The following DSCAM variants were observed in gnomAD, a reference collection of about 807,000 sequenced individuals.
DSCAM encodes cell adhesion molecule DSCAM.
Under a neutral mutation model 217.7 loss-of-function variants are expected in DSCAM, and 47 were observed. That is an observed-to-expected ratio of 0.22 (90% CI 0.17 to 0.28). The LOEUF (loss-of-function observed/expected upper bound fraction) is 0.28. Among genes scored for constraint, DSCAM ranks in the 10% least tolerant of loss-of-function variants. The probability of loss-of-function intolerance (pLI) is 1.00; values close to 1 mark genes in which losing one functional copy is unlikely to be tolerated. For missense variants in DSCAM, 2,080 were observed against 2,618.3 expected, an observed-to-expected ratio of 0.79 and a Z score of 4.49; for synonymous variants, 1,056 against 1,015.3, an observed-to-expected ratio of 1.04 and a Z score of -0.76.
intron 8 of DSCAM, among the ~76,000 whole-genome samples, chr21:40,333,455 C>T (rs1429204662): frequency 6.6e-6 from 1 of 152,130 alleles, no homozygotes; most frequent in Non-Finnish European, 1.5e-5. Context: ...AACTCCGCCT[C>T]CTGGGTTCAA....
chr21:40,289,464 G>A (rs977289935), intron 10 of DSCAM, among the ~76,000 whole-genome samples: 2 of 152,214 alleles, frequency 1.3e-5, no homozygotes, highest in African/African-American at 2.4e-5. Flanking sequence ...TTCTTCAAAT[G>A]TAAGTACAGT....
At chr21:40,205,808 T>C (rs921567295) in intron 11 of DSCAM, among the ~76,000 whole-genome samples, 2 of 152,164 alleles carry the variant, frequency 1.3e-5, no homozygotes, top group Admixed American at 6.5e-5. Flanking sequence ...ATAAGATATT[T>C]AAGCATGTTT....
At chr21:40,233,719 G>A (rs1200852806) in intron 11 of DSCAM, among the ~76,000 whole-genome samples, 3 of 152,096 alleles carry the variant, frequency 2.0e-5, no homozygotes, top group Non-Finnish European at 1.5e-5. Context: ...ACACACATAC[G>A]CAATTTTTTG....
intron 3 of DSCAM, among the ~76,000 whole-genome samples, chr21:40,620,063 GAA>G (rs2089465037): frequency 1.4e-5 from 1 of 73,326 alleles, no homozygotes; most frequent in Admixed American, 1.4e-4. Flanking sequence ...GAAAAAGAAA[GAA>G]AGAGAGAAAG....
chr21:40,187,975 C>G lies in DSCAM; in HGVS notation c.2566G>C (p.Val856Leu), dbSNP rs759344443. Residue 856 changes from valine (V) to leucine (L), a missense_variant, in exon 13 of 33, where the codon GTG (valine) becomes CTG (leucine). Physicochemically the swap from Val to Leu is conservative, Grantham distance 32. Coordinates refer to ENST00000400454, the MANE Select transcript of DSCAM (RefSeq NM_001389.5). ...VISTLQILPT[V>L]REDSGFFSCH... is the part of the protein sequence containing the mutation. The stretch of plus-strand genomic sequence containing the variant: ...GAAAAGAAACCAGAATCTTCTCTCA[C>G]AGTTGGCAAAATCTATGTGTAAAGC... The G allele has an allele frequency of 7.0e-5, 113 of 1,613,624 alleles. No homozygotes were observed. The highest frequency in any genetic ancestry group is 8.7e-5 in the Non-Finnish European group (103 of 1,179,874).
rs34935219 is a variant in DSCAM at position 40,766,669 on chromosome 21, C to CAAAAA, written c.44-57903_44-57899dup. ...TTTTAAAAAGACAAAACAACAATTC[C>CAAAAA]AAAAAAAAAAAAAAAAAAACAACTT... On this transcript the variant is annotated intron_variant, in intron 1 of 32. Transcript: ENST00000400454. Among the ~76,000 whole-genome samples, 101 of 66,610 alleles carry CAAAAA rather than the reference C, an allele frequency of 1.5e-3. 3 individuals carry two copies. Among genetic ancestry groups the CAAAAA allele is most frequent in the African/African-American group, 6.0e-3 (97 of 16,298 alleles). 43.7% of individuals were successfully genotyped at this position (66,610 alleles called of 152,430 possible). A position where few individuals can be genotyped will look rare whatever the true frequency, so the allele number is the denominator to read the frequency against.
At chr21:40,138,246 G>T (rs183817381) in intron 18 of DSCAM, among the ~76,000 whole-genome samples, 5 of 151,376 alleles carry the variant, frequency 3.3e-5, no homozygotes, top group African/African-American at 7.3e-5. Flanking sequence ...ATGTGTGGGG[G>T]GTGTGTGTGG....
chr21:40,766,912 C>G (rs1461057958), intron 1 of DSCAM, among the ~76,000 whole-genome samples: 2 of 152,198 alleles, frequency 1.3e-5, no homozygotes, highest in African/African-American at 4.8e-5. Flanking sequence ...TCTCGAACTC[C>G]TGACCTCAGG....
At chr21:40,641,381 CTTGA>C (rs1007569101) in intron 3 of DSCAM, among the ~76,000 whole-genome samples, 1 of 152,126 alleles carries the variant, frequency 6.6e-6, no homozygotes, top group Admixed American at 6.5e-5. Context: ...GAAAAGGTAT[CTTGA>C]TTAAGTATTC....
chr21:40,638,454 T>C (rs2146336511), intron 3 of DSCAM, among the ~76,000 whole-genome samples: 1 of 152,120 alleles, frequency 6.6e-6, no homozygotes, highest in East Asian at 1.9e-4. Flanking sequence ...AAAAGCAAAT[T>C]AGAATTCAAG....
At chr21:40,266,128 A>G (rs1373253546) in intron 11 of DSCAM, among the ~76,000 whole-genome samples, 1 of 152,192 alleles carries the variant, frequency 6.6e-6, no homozygotes, top group Non-Finnish European at 1.5e-5. Flanking sequence ...AATATCCGCA[A>G]TCTACAAACT....
chr21:40,831,790 T>C (rs569295340), intron 1 of DSCAM, among the ~76,000 whole-genome samples: 1 of 152,370 alleles, frequency 6.6e-6, no homozygotes, highest in Admixed American at 6.5e-5. Context: ...TTAATTAACC[T>C]GTCTCTTACT....
intron 16 of DSCAM, among the ~76,000 whole-genome samples, chr21:40,152,085 T>C (rs1173578138): frequency 6.6e-6 from 1 of 150,852 alleles, no homozygotes. Flanking sequence ...TTAAGACAAA[T>C]TAAAGGAGTC....
chr21:40,391,760 C>T (rs1488167008), intron 3 of DSCAM, among the ~76,000 whole-genome samples: 1 of 152,204 alleles, frequency 6.6e-6, no homozygotes, highest in Admixed American at 6.5e-5. Flanking sequence ...TACCACATTG[C>T]TGTTATCGGA....
intron 3 of DSCAM, among the ~76,000 whole-genome samples, chr21:40,576,957 G>A (rs2076855870): frequency 6.6e-6 from 1 of 150,820 alleles, no homozygotes; most frequent in East Asian, 1.9e-4. Flanking sequence ...TAACAAACAT[G>A]CACGTCATGC....
intron 1 of DSCAM, among the ~76,000 whole-genome samples, chr21:40,794,057 C>T (rs1001938796): frequency 4.6e-5 from 7 of 152,104 alleles, no homozygotes; most frequent in African/African-American, 1.7e-4. Flanking sequence ...TGGGAAAAGG[C>T]CAACCTTCCT....
intron 3 of DSCAM, among the ~76,000 whole-genome samples, chr21:40,543,246 C>T (rs1356019298): frequency 2.0e-5 from 3 of 152,122 alleles, no homozygotes; most frequent in Non-Finnish European, 4.4e-5. Context: ...CCTCCAACAC[C>T]CCAAAGGCCT....
In DSCAM at chr21:40,028,343, C is replaced by G. The variant is rs1302157372; in HGVS notation, c.5686+14028G>C. Among the ~76,000 whole-genome samples, 5 of 127,022 alleles carry G rather than the reference C, an allele frequency of 3.9e-5. 1 individual carries two copies. The East Asian group carries it at 1.3e-3, about 33-fold the overall frequency. The allele number at this position is 127,022 out of a possible 152,430, so 83.3% of individuals were successfully genotyped here. On this transcript the variant is annotated intron_variant, in intron 32 of 32. Coordinates refer to ENST00000400454, the MANE Select transcript of DSCAM (RefSeq NM_001389.5). ...TGTCTGTGCAGCCTACAGAGGCAGG[C>G]AGGCAGGCCTCCTTGAGCTGTGGTG...
chr21:40,679,180 A>C (rs7276854), intron 3 of DSCAM, among the ~76,000 whole-genome samples: 65,550 of 151,822 alleles, frequency 0.43, 14,676 homozygotes, highest in East Asian at 0.58. Flanking sequence ...AGAAAAGCAA[A>C]AGCTCTTATT....
Sources: gnomAD v4.1 joint callset for allele counts (sites outside exome capture counted in the v4.1 genomes callset) on GRCh38, gnomAD v4.1.1 for gene constraint, MANE v1.5 for transcripts, NCBI Gene and HGNC (gene_info 2026-07-23, HGNC 2026-07-21) for gene names.